Variants in RBM4B observed in about 807,000 individuals in gnomAD.
The protein encoded by RBM4B is RNA-binding protein 4B.
Under a neutral mutation model 28.5 loss-of-function variants are expected in RBM4B, and 13 were observed. That is an observed-to-expected ratio of 0.46 (90% CI 0.30 to 0.72). The LOEUF (loss-of-function observed/expected upper bound fraction) is 0.72. Among genes scored for constraint, RBM4B ranks in the 30% least tolerant of loss-of-function variants. The pLI, the probability that RBM4B is intolerant of heterozygous loss-of-function variation, is 0.09. For synonymous variants in RBM4B, 167 were observed against 179.1 expected (o/e 0.93, Z 0.54); for missense variants, 387 against 477.6 (o/e 0.81, Z 1.77).
intron 2 of RBM4B, among the ~76,000 whole-genome samples, chr11:66,671,783 C>A (rs1284071081): frequency 7.2e-5 from 11 of 152,164 alleles, no homozygotes; most frequent in African/African-American, 1.7e-4. Context: ...CTCTGTCGCC[C>A]AGGCTGGAGT....
chr11:66,668,553 A>T, intron 3 of RBM4B, 62 bp downstream of exon 3: 3 of 1,390,278 alleles, frequency 2.2e-6, no homozygotes, highest in Non-Finnish European at 3.0e-6. Context: ...ACTTTTATGA[A>T]GCATGGGTCT....
chr11:66,676,127 G>C (rs554430661), intron 2 of RBM4B: 7 of 156,428 alleles, frequency 4.5e-5, no homozygotes, highest in African/African-American at 1.7e-4. Context: ...GACTCTGCTT[G>C]AAGAGACTGC....
intron 2 of RBM4B, among the ~76,000 whole-genome samples, chr11:66,671,168 G>A (rs1939451772): frequency 6.6e-6 from 1 of 152,188 alleles, no homozygotes. Context: ...CCAACTGCTA[G>A]GAGACAGGCC....
intron 2 of RBM4B, among the ~76,000 whole-genome samples, chr11:66,670,651 C>G (rs1939430531): frequency 6.6e-6 from 1 of 152,096 alleles, no homozygotes; most frequent in African/African-American, 2.4e-5. Flanking sequence ...ACAAGACTCT[C>G]CTGGAGATCA....
chr11:66,665,457 G>A lies in RBM4B; in HGVS notation c.*131C>T. ...AGAATTAAGAAAGAAAACATAGTTG[G>A]TCACAAACTCCTTTTGTTTACTGAA... On this transcript the variant is annotated 3_prime_UTR_variant, in exon 4 of 4. Coordinates refer to ENST00000310046, the MANE Select transcript of RBM4B (RefSeq NM_031492.4). 1.3e-6 allele frequency: 1 copy of A among 768,806 alleles called. No individual in the cohort carries two copies. The highest frequency in any genetic ancestry group is 1.7e-5 in the African/African-American group (1 of 57,536). The allele number at this position is 768,806 out of a possible 1,614,324, so 47.6% of individuals were successfully genotyped here. A position where few individuals can be genotyped will look rare whatever the true frequency, so the allele number is the denominator to read the frequency against.
chr11:66,669,701 C>G (rs1321624641), intron 2 of RBM4B, among the ~76,000 whole-genome samples: 1 of 152,190 alleles, frequency 6.6e-6, no homozygotes, highest in African/African-American at 2.4e-5. Context: ...CCGCCTTGGC[C>G]TCCCAAAGTG....
intron 3 of RBM4B, chr11:66,667,289 T>C (rs534371327): frequency 7.2e-5 from 11 of 152,358 alleles, no homozygotes; most frequent in Non-Finnish European, 1.0e-4. Context: ...TTTAGCACTT[T>C]TGGTACACAT....
In RBM4B at chr11:66,666,348, G is replaced by A. The variant is rs1939230532; in HGVS notation, c.*10-770C>T. 4.0e-6 allele frequency: 4 copies of A among 1,011,348 alleles called. No homozygotes were observed. In the South Asian group the frequency reaches 1.2e-4, roughly 31 times the overall value. The allele number at this position is 1,011,348 out of a possible 1,614,324, so 62.6% of individuals were successfully genotyped here. On this transcript the variant is annotated intron_variant, in intron 3 of 3. Transcript: ENST00000310046. ...TGTGCCAATCGACTTCAAAAGTTGT[G>A]ACGTTCTTGGATCAGTTCTGCTAGG...
At chr11:66,671,139 G>C (rs756696791) in intron 2 of RBM4B, among the ~76,000 whole-genome samples, 1 of 152,298 alleles carries the variant, frequency 6.6e-6, no homozygotes, top group South Asian at 2.1e-4. Flanking sequence ...AGAAACAAAA[G>C]TGCTCAGGCT....
Position 66,668,804 on chromosome 11 carries a change from T to G in RBM4B, c.900A>C (p.Gly300=). The G allele has an allele frequency of 6.2e-7, 1 of 1,614,196 alleles. No individual in the cohort carries two copies. The highest frequency in any genetic ancestry group is 8.5e-7 in the Non-Finnish European group (1 of 1,180,026). ...CACGACGCAGTGGGCTCCTGTCCCT[T>G]CCATAGTAGGAGGAAGTGGTGGCTG... The part of the protein sequence containing the change: ...AAAATTSSYY[G]RDRSPLRRAA... Residue 300 remains glycine (G), a synonymous_variant, in exon 3 of 4, where the codon GGA becomes GGC. Coordinates refer to ENST00000310046, the MANE Select transcript of RBM4B (RefSeq NM_031492.4).
At chr11:66,665,624 C>A in intron 3 of RBM4B, 46 bp from the exon 4 acceptor site, 1 of 1,535,552 alleles carries the variant, frequency 6.5e-7, no homozygotes, top group Non-Finnish European at 8.7e-7. Context: ...GCCTGGAGAG[C>A]AGCCTGGCTC....
intron 3 of RBM4B, chr11:66,667,352 C>T (rs936240176): frequency 3.9e-5 from 6 of 152,142 alleles, no homozygotes; most frequent in African/African-American, 1.4e-4. Flanking sequence ...TGGCTTTCAC[C>T]ACCTATGCAA....
At chr11:66,672,446 A>G (rs1192542479) in intron 2 of RBM4B, among the ~76,000 whole-genome samples, 2 of 150,186 alleles carry the variant, frequency 1.3e-5, no homozygotes, top group Non-Finnish European at 3.0e-5. Flanking sequence ...AAAAAACCAA[A>G]ACAACCAGTC....
rs888221055 is a variant in RBM4B at position 66,665,959 on chromosome 11, A to G, written c.*10-381T>C. 4 of 1,528,254 alleles carry G rather than the reference A, an allele frequency of 2.6e-6. No homozygotes were observed. The African/African-American group carries it at 4.1e-5, about 16-fold the overall frequency. 94.7% of individuals were successfully genotyped at this position (1,528,254 alleles called of 1,614,324 possible). ...TTTTGGAGTCCAGGAAAAGCAGAAG[A>G]TGCTGAGATGTCATATATGGCGAAT... is the stretch of plus-strand genomic sequence containing the variant. On this transcript the variant is annotated intron_variant, in intron 3 of 3. Transcript: ENST00000310046.
At chr11:66,669,417 A>G (rs1590882898) in intron 2 of RBM4B, 126 bp from the exon 3 acceptor site, 1 of 869,196 alleles carries the variant, frequency 1.2e-6, no homozygotes, top group East Asian at 2.6e-5. Flanking sequence ...ACCCTATTTC[A>G]GCAACCTCCT....
In RBM4B at chr11:66,668,362, G is replaced by A. The variant is rs375222638; in HGVS notation, c.*9+253C>T. The A allele has an allele frequency of 1.7e-3, 733 of 441,870 alleles. 4 individuals carry two copies. The Middle Eastern group carries it at 0.019, about 11-fold the overall frequency. 27.4% of individuals were successfully genotyped at this position (441,870 alleles called of 1,614,324 possible). A position where few individuals can be genotyped will look rare whatever the true frequency, so the allele number is the denominator to read the frequency against. ...CCAAATATGCTTACAACTGATTAAA[G>A]AATGTTCTCACTAACAAACTGAATT... is the stretch of plus-strand genomic sequence containing the variant. On this transcript the variant is annotated intron_variant, in intron 3 of 3. Coordinates refer to ENST00000310046, the MANE Select transcript of RBM4B (RefSeq NM_031492.4).
rs540832097 is a variant in RBM4B, at chr11:66,668,500, G to T, written c.*9+115C>A. On this transcript the variant is annotated intron_variant, in intron 3 of 3. Coordinates refer to ENST00000310046, the MANE Select transcript of RBM4B (RefSeq NM_031492.4). The stretch of plus-strand genomic sequence containing the variant: ...AATATTGAAGACTAACATGTAATTT[G>T]CACCTTTTGGATACTGTCCGGAGAG... The T allele has an allele frequency of 8.2e-5, 62 of 753,790 alleles. No homozygotes were observed. In the Admixed American group the frequency reaches 1.4e-3, roughly 17 times the overall value. The allele number at this position is 753,790 out of a possible 1,614,324, so 46.7% of individuals were successfully genotyped here.
intron 2 of RBM4B, among the ~76,000 whole-genome samples, chr11:66,674,403 T>G (rs1430481875): frequency 6.6e-6 from 1 of 151,660 alleles, no homozygotes; most frequent in Non-Finnish European, 1.5e-5. Context: ...TTTTTTTTTG[T>G]ATTTTTAGTA....
intron 2 of RBM4B, among the ~76,000 whole-genome samples, chr11:66,670,408 T>G (rs1350517072): frequency 6.6e-6 from 1 of 152,040 alleles, no homozygotes; most frequent in African/African-American, 2.4e-5. Flanking sequence ...AACTACTAGT[T>G]AGAAAAATGC....
Sources: gnomAD v4.1 joint callset for allele counts (sites outside exome capture counted in the v4.1 genomes callset) on GRCh38, gnomAD v4.1.1 for gene constraint, MANE v1.5 for transcripts, NCBI Gene and HGNC (gene_info 2026-07-23, HGNC 2026-07-21) for gene names.